The following GALNT2 variants were observed in gnomAD, a reference collection of about 807,000 sequenced individuals.
GALNT2 encodes the protein UDP-GalNAc:polypeptide N-acetylgalactosaminyltransferase 2.
GALNT2 carries 31 observed loss-of-function variants against 81.4 expected under a neutral mutation model. That is an observed-to-expected ratio of 0.38 (90% CI 0.29 to 0.51). GALNT2 has a LOEUF of 0.51. GALNT2 is among the 20% of genes least tolerant of loss of function. The pLI is 0.87. For missense variants in GALNT2, 629 were observed against 765.7 expected, an observed-to-expected ratio of 0.82 and a Z score of 2.11; for synonymous variants, 303 against 287.4, an observed-to-expected ratio of 1.05 and a Z score of -0.55.
chr1:230,202,864 G>C (rs1314882230), intron 2 of GALNT2, among the ~76,000 whole-genome samples: 1 of 152,198 alleles, frequency 6.6e-6, no homozygotes, highest in Admixed American at 6.5e-5. Flanking sequence ...ACAGTTACAG[G>C]TACTTTGATC....
intron 11 of GALNT2, among the ~76,000 whole-genome samples, chr1:230,261,065 T>C (rs1665862223): frequency 6.6e-6 from 1 of 151,142 alleles, no homozygotes; most frequent in African/African-American, 2.4e-5. Flanking sequence ...TCCTCATATT[T>C]AGTCATAAAG....
intron 1 of GALNT2, among the ~76,000 whole-genome samples, chr1:230,113,123 GGC>G (rs1660750966): frequency 6.6e-6 from 1 of 152,086 alleles, no homozygotes; most frequent in Non-Finnish European, 1.5e-5. Flanking sequence ...TTATTTGTGT[GGC>G]TGCACAGCAT....
intron 14 of GALNT2, among the ~76,000 whole-genome samples, chr1:230,273,959 A>G (rs1666217020): frequency 6.6e-6 from 1 of 152,234 alleles, no homozygotes; most frequent in South Asian, 2.1e-4. Flanking sequence ...TTGCTTACAT[A>G]TGCAATGTGT....
At chr1:230,179,887 CTA>C (rs1663103900) in intron 2 of GALNT2, among the ~76,000 whole-genome samples, 1 of 152,138 alleles carries the variant, frequency 6.6e-6, no homozygotes, top group Non-Finnish European at 1.5e-5. Context: ...AGATTTTCTT[CTA>C]TGTTATCTTC....
chr1:230,243,326 CG>C lies in GALNT2; in HGVS notation c.634del (p.Ala212ProfsTer9). 2 of 1,607,572 alleles carry C rather than the reference CG, an allele frequency of 1.2e-6. No individual in the cohort carries two copies. The highest frequency in any genetic ancestry group is 1.7e-6 in the Non-Finnish European group (2 of 1,179,028). ...RREGLMRSRVRGADAAQAKVL... is the reference protein window; with the variant it reads ...RREGLMRSRVXGADAAQAKVL... ...TGCAGGCCTCATGCGCTCACGGGTTCGGGGGGCCGATGCTGCCCAAGCCAAG... is the reference window on the plus strand; with the variant it reads ...TGCAGGCCTCATGCGCTCACGGGTTCGGGGGCCGATGCTGCCCAAGCCAAG... On this transcript the variant is annotated frameshift_variant, in exon 7 of 16. Coordinates refer to ENST00000366672, the MANE Select transcript of GALNT2 (RefSeq NM_004481.5). LOFTEE classifies it high-confidence loss of function. The surrounding 1 kb of genome is among the most constrained non-coding windows in gnomAD (Gnocchi z 4.2).
At chr1:230,130,968 C>G (rs1477838976) in intron 1 of GALNT2, among the ~76,000 whole-genome samples, 1 of 151,948 alleles carries the variant, frequency 6.6e-6, no homozygotes, top group African/African-American at 2.4e-5. Flanking sequence ...GGTAGGAACC[C>G]CTCTTAGGAG....
chr1:230,094,161 T>G (rs1389794291), intron 1 of GALNT2, among the ~76,000 whole-genome samples: 2 of 131,990 alleles, frequency 1.5e-5, no homozygotes, highest in Admixed American at 1.7e-4. Context: ...CCATGCTGGC[T>G]AATTTTTTTT....
intron 1 of GALNT2, among the ~76,000 whole-genome samples, chr1:230,088,165 C>G (rs938274357): frequency 2.6e-5 from 4 of 151,232 alleles, no homozygotes; most frequent in Non-Finnish European, 4.4e-5. Flanking sequence ...TTTAAGTGTA[C>G]AGTTTTGTAG....
intron 1 of GALNT2, among the ~76,000 whole-genome samples, chr1:230,130,691 T>C (rs556437613): frequency 6.6e-6 from 1 of 152,302 alleles, no homozygotes; most frequent in East Asian, 1.9e-4. Context: ...AAAGTGGGAT[T>C]TCTGCTGATC....
chr1:230,251,884 T>C (rs1353601834), intron 10 of GALNT2, among the ~76,000 whole-genome samples: 1 of 152,118 alleles, frequency 6.6e-6, no homozygotes, highest in East Asian at 1.9e-4. Context: ...AAGGAGGCAT[T>C]CACCCAGAGA....
intron 11 of GALNT2, chr1:230,258,566 A>G (rs1015896270): frequency 2.6e-5 from 4 of 152,204 alleles, no homozygotes; most frequent in African/African-American, 9.7e-5. Context: ...CAATACACCT[A>G]TTATACAGAA....
chr1:230,208,763 G>A (rs916309536), intron 3 of GALNT2, among the ~76,000 whole-genome samples: 9 of 152,212 alleles, frequency 5.9e-5, no homozygotes, highest in East Asian at 1.9e-4. Flanking sequence ...GAAGCTATGC[G>A]ACTGTGAAGC....
intron 1 of GALNT2, among the ~76,000 whole-genome samples, chr1:230,127,930 C>T (rs917505159): frequency 7.2e-5 from 11 of 152,218 alleles, no homozygotes; most frequent in East Asian, 3.9e-4. Flanking sequence ...TGAAGCCAGC[C>T]GCTGTGGCCC....
rs1248132977 is a variant in GALNT2, at chr1:230,275,095, A to T, written c.1560+531A>T. ...ATATATACACACCACATATATATAC[A>T]TGTATACACACCACATATATATACA... On this transcript the variant is annotated intron_variant, in intron 15 of 15. Transcript: ENST00000366672. The surrounding 1 kb of genome is among the most constrained non-coding windows in gnomAD (Gnocchi z 5.5). Among the ~76,000 whole-genome samples, 1 of 150,914 alleles carries T rather than the reference A, an allele frequency of 6.6e-6. No individual in the cohort carries two copies. Among genetic ancestry groups the T allele is most frequent in the Non-Finnish European group, 1.5e-5 (1 of 67,842 alleles).
chr1:230,221,602 T>A (rs975560357), intron 3 of GALNT2, among the ~76,000 whole-genome samples: 1 of 152,244 alleles, frequency 6.6e-6, no homozygotes, highest in African/African-American at 2.4e-5. Context: ...GTAAAATGAA[T>A]TTAGAACAAA....
intron 10 of GALNT2, 131 bp downstream of exon 10, chr1:230,250,691 C>T (rs934289993): frequency 3.3e-6 from 2 of 601,064 alleles, no homozygotes; most frequent in Non-Finnish European, 5.8e-6. Flanking sequence ...CTTGCAAACA[C>T]ATATGTAACA....
intron 1 of GALNT2, among the ~76,000 whole-genome samples, chr1:230,089,839 C>T (rs1305398847): frequency 6.6e-6 from 1 of 152,212 alleles, no homozygotes; most frequent in African/African-American, 2.4e-5. Flanking sequence ...ATTTGCTATT[C>T]ATCCTACTGT....
At chr1:230,101,782 C>G (rs1211034692) in intron 1 of GALNT2, among the ~76,000 whole-genome samples, 2 of 152,190 alleles carry the variant, frequency 1.3e-5, no homozygotes, top group Non-Finnish European at 2.9e-5. Context: ...GAATTGCCCT[C>G]TCTTTCATCA....
intron 1 of GALNT2, among the ~76,000 whole-genome samples, chr1:230,173,797 A>G (rs1268964148): frequency 2.0e-5 from 3 of 152,210 alleles, no homozygotes; most frequent in Non-Finnish European, 4.4e-5. Context: ...GCTAGTGTAA[A>G]TAAGTCTTAT....
Sources: allele counts gnomAD v4.1 joint callset (sites outside exome capture counted in the v4.1 genomes callset), GRCh38; gene constraint gnomAD v4.1.1; non-coding constraint Gnocchi (gnomAD v3.1); transcripts MANE v1.5; gene names NCBI Gene and HGNC (gene_info 2026-07-23, HGNC 2026-07-21).